TSEN2: variants seen among roughly 807,000 people sequenced by gnomAD.
The protein encoded by TSEN2 is tRNA splicing endonuclease subunit 2.
In TSEN2, 54 loss-of-function variants were observed where a neutral mutation model predicts 59.2. The ratio of observed to expected loss-of-function variants is 0.91; its 90% confidence interval spans 0.73 to 1.14. TSEN2 has a LOEUF of 1.14. Ranked by LOEUF, TSEN2 falls within the 50% of genes most tolerant of loss-of-function variation. The pLI is 0.00. For missense variants in TSEN2, 636 were observed against 576.2 expected, an observed-to-expected ratio of 1.10 and a Z score of -1.06; for synonymous variants, 195 against 198.2, an observed-to-expected ratio of 0.98 and a Z score of 0.14.
chr3:12,510,662 G>A (rs900059347), intron 6 of TSEN2, among the ~76,000 whole-genome samples: 5 of 151,970 alleles, frequency 3.3e-5, no homozygotes, highest in Non-Finnish European at 5.9e-5. Flanking sequence ...TTCTTTTCCC[G>A]TGCTTAGTGT....
chr3:12,483,583 G>A (rs557214236), upstream of TSEN2, among the ~76,000 whole-genome samples: 4 of 152,300 alleles, frequency 2.6e-5, no homozygotes, highest in African/African-American at 9.6e-5. Flanking sequence ...AACAGCATGC[G>A]TGAAGGAATG....
At chr3:12,508,443 A>G (rs551105220) in intron 6 of TSEN2, among the ~76,000 whole-genome samples, 54 of 152,198 alleles carry the variant, frequency 3.5e-4, no homozygotes, top group African/African-American at 1.2e-3. Flanking sequence ...TGAATCACCT[A>G]TGTTTGGTGC....
chr3:12,496,676 A>T lies in TSEN2; in HGVS notation c.308+122A>T, dbSNP rs557568497. 203 of 949,786 alleles carry T rather than the reference A, an allele frequency of 2.1e-4. 1 individual carries two copies. The highest frequency in any genetic ancestry group is 5.0e-6 in the Non-Finnish European group (3 of 598,760). The allele number at this position is 949,786 out of a possible 1,614,324, so 58.8% of individuals were successfully genotyped here. A position where few individuals can be genotyped will look rare whatever the true frequency, so the allele number is the denominator to read the frequency against. On this transcript the variant is annotated intron_variant, in intron 4 of 11. Coordinates refer to ENST00000284995, the MANE Select transcript of TSEN2 (RefSeq NM_025265.4). ...TTTTTCTTTCTGTTTTTGGTAGTAG[A>T]TGTATCCTTGAAAATTATGTTGGAA...
chr3:12,516,230 C>T (rs950740754), intron 6 of TSEN2, among the ~76,000 whole-genome samples: 1 of 152,010 alleles, frequency 6.6e-6, no homozygotes, highest in African/African-American at 2.4e-5. Context: ...CGAGACCATC[C>T]TGGCTAACAC....
chr3:12,520,482 T>C (rs1488690311), intron 8 of TSEN2, among the ~76,000 whole-genome samples: 2 of 152,198 alleles, frequency 1.3e-5, no homozygotes, highest in African/African-American at 2.4e-5. Context: ...ATTTTACTTA[T>C]TTAATTTTTT....
chr3:12,507,489 T>TA (rs2125075440), intron 6 of TSEN2, among the ~76,000 whole-genome samples: 1 of 152,338 alleles, frequency 6.6e-6, no homozygotes, highest in African/African-American at 2.4e-5. Flanking sequence ...TACCTGATAA[T>TA]ATAGTAAATG....
At position 12,502,033 on chromosome 3, in the gene TSEN2, A is replaced by G. The variant is rs543066239; in HGVS notation, c.309-1229A>G. Among the ~76,000 whole-genome samples the G allele has an allele frequency of 1.7e-3, 262 of 152,324 alleles. 2 individuals are homozygous for G. Among genetic ancestry groups the G allele is most frequent in the Middle Eastern group, 0.014 (4 of 294 alleles). Reference sequence around the variant, plus strand: ...AACAAGAATTTTATCAATAAAATCTACTCTGCAAAGTATTGTGAGGAAAAG... The same window carrying G: ...AACAAGAATTTTATCAATAAAATCTGCTCTGCAAAGTATTGTGAGGAAAAG... On this transcript the variant is annotated intron_variant, in intron 4 of 11. Transcript: ENST00000284995.
At chr3:12,509,687 C>A (rs183939254) in intron 6 of TSEN2, among the ~76,000 whole-genome samples, 4 of 152,306 alleles carry the variant, frequency 2.6e-5, no homozygotes, top group Admixed American at 2.6e-4. Flanking sequence ...TAAGGCCCTG[C>A]ATTCCAGGTC....
intron 3 of TSEN2, among the ~76,000 whole-genome samples, chr3:12,495,940 A>T (rs1418679983): frequency 6.6e-6 from 1 of 152,174 alleles, no homozygotes; most frequent in Non-Finnish European, 1.5e-5. Flanking sequence ...AGGGATTCAG[A>T]AACAGCAGGA....
In TSEN2 at chr3:12,496,589, G is replaced by T. The variant is rs200619900; in HGVS notation, c.308+35G>T. 92 of 1,611,354 alleles carry T rather than the reference G, an allele frequency of 5.7e-5. 4 individuals carry two copies. Among genetic ancestry groups the T allele is most frequent in the Admixed American group, 2.5e-4 (15 of 60,030 alleles). ...AATGAACTTTGGCTTCTGTCAAAATGATGGTTTAAGTCAGATGTTTTTAGG... is the reference window on the plus strand; with the variant it reads ...AATGAACTTTGGCTTCTGTCAAAATTATGGTTTAAGTCAGATGTTTTTAGG... On this transcript the variant is annotated intron_variant, in intron 4 of 11. Transcript: ENST00000284995.
intron 3 of TSEN2, among the ~76,000 whole-genome samples, chr3:12,495,585 A>G (rs1431661963): frequency 6.6e-6 from 1 of 152,214 alleles, no homozygotes; most frequent in Non-Finnish European, 1.5e-5. Context: ...TAGACTTTGC[A>G]TCAGTTACTT....
chr3:12,519,723 C>T (rs1478889379), intron 8 of TSEN2, among the ~76,000 whole-genome samples: 2 of 151,772 alleles, frequency 1.3e-5, no homozygotes, highest in African/African-American at 2.4e-5. Flanking sequence ...CCCACCTGGA[C>T]GACAGGGCAA....
At chr3:12,503,886 T>C (rs1299682074) in intron 5 of TSEN2, 102 bp downstream of exon 5, 2 of 1,474,072 alleles carry the variant, frequency 1.4e-6, no homozygotes, top group Non-Finnish European at 1.8e-6. Flanking sequence ...TGGCCTGTTG[T>C]AGGGTCCAAG....
chr3:12,494,941 C>T (rs371707541), intron 3 of TSEN2, among the ~76,000 whole-genome samples: 2 of 150,522 alleles, frequency 1.3e-5, no homozygotes. Context: ...GCCTGGCCAA[C>T]ATGGCGAAAT....
chr3:12,492,299 T>G, intron 3 of TSEN2, 82 bp downstream of exon 3: 1 of 1,267,054 alleles, frequency 7.9e-7, no homozygotes, highest in Non-Finnish European at 1.1e-6. Context: ...GGCTATATAG[T>G]AAAATTCTAG....
intron 3 of TSEN2, among the ~76,000 whole-genome samples, chr3:12,494,564 C>A (rs567405000): frequency 6.6e-6 from 1 of 151,930 alleles, no homozygotes; most frequent in South Asian, 2.1e-4. Flanking sequence ...CCATGCCCGG[C>A]TAATTTTTGT....
At chr3:12,528,733 C>T (rs1000296240) in intron 8 of TSEN2, among the ~76,000 whole-genome samples, 155 bp from the exon 9 acceptor site, 6 of 152,170 alleles carry the variant, frequency 3.9e-5, no homozygotes, top group Non-Finnish European at 8.8e-5. Context: ...AAATAGACCA[C>T]AGGCATATTG....
chr3:12,489,748 GTCTGTT>G (rs886458860), intron 1 of TSEN2, 30 bp from the exon 2 acceptor site: 22 of 1,575,758 alleles, frequency 1.4e-5, no homozygotes, highest in Non-Finnish European at 1.8e-5. Flanking sequence ...GTTATTGATT[GTCTGTT>G]TCTTTCTGTT....
At chr3:12,482,059 G>A (rs1330764759), upstream of TSEN2, among the ~76,000 whole-genome samples, 1 of 152,158 alleles carries the variant, frequency 6.6e-6, no homozygotes. Context: ...CCAGCAAGGA[G>A]ATAAAAGTGT....
Sources: gnomAD v4.1 joint callset for allele counts (sites outside exome capture counted in the v4.1 genomes callset) on GRCh38, gnomAD v4.1.1 for gene constraint, MANE v1.5 for transcripts, NCBI Gene and HGNC (gene_info 2026-07-23, HGNC 2026-07-21) for gene names.